The following LAMP3 variants were observed in gnomAD, a reference collection of about 807,000 sequenced individuals.
LAMP3 encodes lysosome associated membrane protein 3.
Under a neutral mutation model 34.8 loss-of-function variants are expected in LAMP3, and 26 were observed. The ratio of observed to expected loss-of-function variants is 0.75; its 90% CI spans 0.55 to 1.04. The LOEUF is 1.04. Among genes scored for constraint, LAMP3 ranks in the 50% least tolerant of loss-of-function variants. The probability of loss-of-function intolerance (pLI) is 0.00; values close to 1 mark genes in which losing one functional copy is unlikely to be tolerated. For synonymous variants in LAMP3, 180 were observed against 201.9 expected, an observed-to-expected ratio of 0.89 and a Z score of 0.92; for missense variants, 495 against 524.0, an observed-to-expected ratio of 0.94 and a Z score of 0.54.
Position 183,154,076 on chromosome 3 carries a change from T to A in LAMP3, c.365A>T (p.Glu122Val). Residue 122 changes from glutamate to valine, a missense_variant, in exon 2 of 6, where the codon GAA becomes GTA. Physicochemically the swap from Glu to Val is moderately radical, Grantham distance 121. Transcript: ENST00000265598. ...GGCTAAGCTAGGGCCGACTGTAACTTCAGTAACTGGAGGAGCTGTGTGTGA... is the reference window on the plus strand; with the variant it reads ...GGCTAAGCTAGGGCCGACTGTAACTACAGTAACTGGAGGAGCTGTGTGTGA... The part of the protein sequence containing the change: ...NNSHTAPPVT[E>V]VTVGPSLAPY... 6.2e-7 allele frequency: 1 copy of A among 1,614,122 alleles called. No homozygotes were observed. Among genetic ancestry groups the A allele is most frequent in the South Asian group, 1.1e-5 (1 of 91,080 alleles).
At chr3:183,162,261 G>A (rs1341444318) in intron 1 of LAMP3, among the ~76,000 whole-genome samples, 1 of 151,966 alleles carries the variant, frequency 6.6e-6, no homozygotes, top group Non-Finnish European at 1.5e-5. Flanking sequence ...CACATCTGAT[G>A]CAAGGAAAAG....
At chr3:183,141,274 A>G (rs1176472919) in intron 3 of LAMP3, among the ~76,000 whole-genome samples, 2 of 152,210 alleles carry the variant, frequency 1.3e-5, no homozygotes, top group Non-Finnish European at 2.9e-5. Flanking sequence ...GAGAACCCCA[A>G]GTGGTTGTAT....
chr3:183,124,622 C>T (rs1030835380), intron 5 of LAMP3, among the ~76,000 whole-genome samples: 15 of 152,152 alleles, frequency 9.9e-5, no homozygotes, highest in Non-Finnish European at 2.1e-4. Flanking sequence ...CATCTGATGT[C>T]GTGAGTTTGA....
At chr3:183,154,877 T>C (rs2108613052) in intron 1 of LAMP3, among the ~76,000 whole-genome samples, 1 of 152,282 alleles carries the variant, frequency 6.6e-6, no homozygotes, top group Middle Eastern at 3.4e-3. Flanking sequence ...AATCCCAGGT[T>C]TGAAAGGGGT....
Position 183,153,974 on chromosome 3 carries a change from G to C in LAMP3, c.467C>G (p.Thr156Ser), listed in dbSNP as rs542065179. The change falls in exon 2 of 6, where the codon ACT becomes AGT. Residue 156 changes from threonine to serine, a missense_variant. Transcript: ENST00000265598. ...GTSSSTVSHT[T>S]GNTTQPSNQT... ...GTTACTGGGTTGAGTGGTGTTCCCA[G>C]TTGTGTGGCTGACGGTTGATGAACT... is the stretch of plus-strand genomic sequence containing the variant. 2.5e-6 allele frequency: 4 copies of C among 1,614,216 alleles called. No homozygotes were observed. In the South Asian group the frequency reaches 3.3e-5, roughly 13 times the overall value.
intron 1 of LAMP3, among the ~76,000 whole-genome samples, chr3:183,157,767 C>T (rs1016669444): frequency 1.1e-4 from 16 of 151,986 alleles, no homozygotes; most frequent in African/African-American, 3.1e-4. Flanking sequence ...AAAAGCCTTC[C>T]TCAAGATGCA....
chr3:183,152,141 G>A (rs1483131893), intron 3 of LAMP3, among the ~76,000 whole-genome samples: 1 of 152,196 alleles, frequency 6.6e-6, no homozygotes, highest in Admixed American at 6.5e-5. Context: ...GTTCCCCAGA[G>A]GTCAAGTCTC....
intron 5 of LAMP3, 28 bp downstream of exon 5, chr3:183,135,689 T>A: frequency 6.2e-7 from 1 of 1,610,246 alleles, no homozygotes; most frequent in Non-Finnish European, 8.5e-7. Context: ...AAAGTGTATG[T>A]TTGCAACCTG....
At position 183,155,861 on chromosome 3, in the gene LAMP3, C is replaced by T. The variant is rs116571104; in HGVS notation, c.50-1470G>A. Among the ~76,000 whole-genome samples the T allele has an allele frequency of 4.1e-3, 629 of 152,224 alleles. 6 individuals are homozygous for T. Among genetic ancestry groups the T allele is most frequent in the African/African-American group, 0.014 (581 of 41,532 alleles). ...TTAATGAGGACAACAGCATTGTAGG[C>T]CTTTTAGGATTATTGTAAGGCTCAC... is the stretch of plus-strand genomic sequence containing the variant. On this transcript the variant is annotated intron_variant, in intron 1 of 5. Transcript: ENST00000265598.
intron 3 of LAMP3, 47 bp from the exon 4 acceptor site, chr3:183,140,642 GT>G: frequency 8.4e-7 from 1 of 1,189,480 alleles, no homozygotes; most frequent in Non-Finnish European, 1.3e-6. Flanking sequence ...CTACTCATAT[GT>G]TTACAATCTT....
chr3:183,141,999 G>T (rs1002957767), intron 3 of LAMP3, among the ~76,000 whole-genome samples: 11 of 152,184 alleles, frequency 7.2e-5, no homozygotes, highest in African/African-American at 2.7e-4. Flanking sequence ...CCTGGGAGAG[G>T]ACCTGGTTGC....
intron 5 of LAMP3, among the ~76,000 whole-genome samples, chr3:183,131,022 C>G (rs1719903703): frequency 6.6e-6 from 1 of 152,178 alleles, no homozygotes; most frequent in Admixed American, 6.5e-5. Context: ...AATTACACAT[C>G]CAAGCGTTTA....
At chr3:183,138,089 CT>C (rs1294257497) in intron 4 of LAMP3, among the ~76,000 whole-genome samples, 1 of 152,106 alleles carries the variant, frequency 6.6e-6, no homozygotes, top group Non-Finnish European at 1.5e-5. Context: ...TCCCAAAGTG[CT>C]GGTATTACAG....
Position 183,152,367 on chromosome 3 carries a change from G to T in LAMP3, c.888+8C>A. 1 of 1,604,288 alleles carries T rather than the reference G, an allele frequency of 6.2e-7. No individual in the cohort carries two copies. The highest frequency in any genetic ancestry group is 8.5e-7 in the Non-Finnish European group (1 of 1,175,772). On this transcript the variant is annotated splice_region_variant and intron_variant, in intron 3 of 5. Transcript: ENST00000265598. Reference sequence around the variant, plus strand: ...GATGCAGTTTGTGCAAAGGAGCTCAGGCCTCACCTTGGTAAATGTGAGATT... The same window carrying T: ...GATGCAGTTTGTGCAAAGGAGCTCATGCCTCACCTTGGTAAATGTGAGATT...
intron 5 of LAMP3, chr3:183,132,313 T>A (rs1413845665): frequency 1.1e-6 from 1 of 919,902 alleles, no homozygotes; most frequent in Non-Finnish European, 1.3e-6. Flanking sequence ...ATTAAGATCA[T>A]CTATAATTTA....
At position 183,122,493 on chromosome 3, in the gene LAMP3, A is replaced by G. The variant is rs1240608232; in HGVS notation, c.*1588T>C. ...TACAGAATAAAGTGAACAATAGGAA[A>G]TATGGATATGAAGTGCAGAAGCAGC... is the stretch of plus-strand genomic sequence containing the variant. On this transcript the variant is annotated 3_prime_UTR_variant, in exon 6 of 6. Coordinates refer to ENST00000265598, the MANE Select transcript of LAMP3 (RefSeq NM_014398.4). 6.6e-6 allele frequency: 1 copy of G among 152,256 alleles called. No homozygotes were observed. Among genetic ancestry groups the G allele is most frequent in the Non-Finnish European group, 1.5e-5 (1 of 68,036 alleles). The allele number at this position is 152,256 out of a possible 1,614,324, so 9.4% of individuals were successfully genotyped here.
intron 1 of LAMP3, among the ~76,000 whole-genome samples, chr3:183,156,713 T>C (rs1300782365): frequency 6.6e-6 from 1 of 152,234 alleles, no homozygotes; most frequent in Non-Finnish European, 1.5e-5. Flanking sequence ...TCAAGGGTCA[T>C]CTTTTACCAA....
At chr3:183,149,698 A>T (rs1486714172) in intron 3 of LAMP3, among the ~76,000 whole-genome samples, 1 of 150,900 alleles carries the variant, frequency 6.6e-6, no homozygotes, top group African/African-American at 2.4e-5. Context: ...TTTATTGTAC[A>T]TTTTAAAATA....
chr3:183,137,260 A>G (rs1329330665), intron 4 of LAMP3, among the ~76,000 whole-genome samples: 1 of 152,196 alleles, frequency 6.6e-6, no homozygotes, highest in East Asian at 1.9e-4. Flanking sequence ...TGGAGGTTGC[A>G]GTAAGGTGAG....
Sources: allele counts gnomAD v4.1 joint callset (sites outside exome capture counted in the v4.1 genomes callset), GRCh38; gene constraint gnomAD v4.1.1; transcripts MANE v1.5; gene names NCBI Gene and HGNC (gene_info 2026-07-23, HGNC 2026-07-21).